The following ANKRD28 variants were observed in gnomAD, a reference collection of about 807,000 sequenced individuals.
The protein encoded by ANKRD28 is ankyrin repeat domain 28.
Under a neutral mutation model 126.5 loss-of-function variants are expected in ANKRD28, and 44 were observed. That is an observed-to-expected ratio of 0.35 (90% CI 0.27 to 0.45). The LOEUF (loss-of-function observed/expected upper bound fraction) is 0.45. Among genes scored for constraint, ANKRD28 ranks in the 20% least tolerant of loss-of-function variants. The pLI, the probability that ANKRD28 is intolerant of heterozygous loss-of-function variation, is 1.00. For synonymous variants in ANKRD28, 442 were observed against 468.5 expected (o/e 0.94, Z 0.73); for missense variants, 1,110 against 1,316.6 (o/e 0.84, Z 2.43).
In ANKRD28 at chr3:15,758,012, C is replaced by T. The variant is rs560443564; in HGVS notation, c.281-6192G>A. On this transcript the variant is annotated intron_variant, in intron 3 of 27. Coordinates refer to ENST00000683139, the MANE Select transcript of ANKRD28 (RefSeq NM_001349278.2). ...TGTATGGCCTGTAACTAGTATCTGGCCCTTTACAGAAAACGTTAGCCAACC... is the reference window on the plus strand; with the variant it reads ...TGTATGGCCTGTAACTAGTATCTGGTCCTTTACAGAAAACGTTAGCCAACC... 1.8e-4 allele frequency among the ~76,000 whole-genome samples: 28 copies of T among 152,192 alleles called. No individual in the cohort carries two copies. In the South Asian group the frequency reaches 5.8e-3, roughly 32 times the overall value.
In ANKRD28 at chr3:15,737,120, A is replaced by G. The variant is rs1267083307; in HGVS notation, c.465T>C (p.Ala155=). ...AANKAVKCAE[A]LVPLLSNVNV... ...TTACATTACTCAGAAGAGGTACCAAAGCTTCAGCACACTTTACAGCTTTAT... is the reference window on the plus strand; with the variant it reads ...TTACATTACTCAGAAGAGGTACCAAGGCTTCAGCACACTTTACAGCTTTAT... Residue 155 remains alanine, a synonymous_variant, in exon 5 of 28, where the codon GCT becomes GCC. Transcript: ENST00000683139. The G allele has an allele frequency of 6.2e-7, 1 of 1,614,016 alleles. No homozygotes were observed. The highest frequency in any genetic ancestry group is 1.7e-5 in the Admixed American group (1 of 60,030).
At chr3:15,847,641 CCTT>C (rs2061556360) in intron 1 of ANKRD28, among the ~76,000 whole-genome samples, 1 of 152,194 alleles carries the variant, frequency 6.6e-6, no homozygotes, top group South Asian at 2.1e-4. Context: ...GAAGAGTCAT[CCTT>C]CTCCTTCAGC....
In ANKRD28 at chr3:15,724,513, C is replaced by T. The variant is rs774396697; in HGVS notation, c.652G>A (p.Val218Ile). 10 of 1,579,550 alleles carry T rather than the reference C, an allele frequency of 6.3e-6. No individual in the cohort carries two copies. The East Asian group carries it at 1.4e-4, about 22-fold the overall frequency. Residue 218 changes from valine (V) to isoleucine (I), a missense_variant, in exon 7 of 28, where the codon GTA (valine) becomes ATA (isoleucine). Transcript: ENST00000683139. ...HWAAYMGHIE[V>I]VKLLVSHGAE... ...CCATGCGACACAAGCAATTTCACTA[C>T]TTCAATGTGACCTAAAAATGTGTTT...
In ANKRD28 at chr3:15,854,085, A is replaced by G. The variant is rs1227285265; in HGVS notation, c.27+5292T>C. Among the ~76,000 whole-genome samples the G allele has an allele frequency of 1.3e-5, 2 of 152,150 alleles. No homozygotes were observed. The highest frequency in any genetic ancestry group is 1.3e-4 in the Admixed American group (2 of 15,276). Reference sequence around the variant, plus strand: ...TACTCTTCCAAAACCTGTAATGGTTATCTAACTTTCAGTGATCATGGACCC... The same window carrying G: ...TACTCTTCCAAAACCTGTAATGGTTGTCTAACTTTCAGTGATCATGGACCC... On this transcript the variant is annotated intron_variant, in intron 1 of 27. Coordinates refer to the ANKRD28 transcript ENST00000399451. This position sits in a 1 kb window ranked among gnomAD's most constrained non-coding sequence, Gnocchi z 4.1.
At chr3:15,701,163 G>A (rs1043801412) in intron 14 of ANKRD28, among the ~76,000 whole-genome samples, 7 of 152,120 alleles carry the variant, frequency 4.6e-5, no homozygotes, top group Non-Finnish European at 7.3e-5. Flanking sequence ...AAATATATGA[G>A]AGCCATTATT....
chr3:15,796,162 T>G (rs1032665869), intron 1 of ANKRD28, among the ~76,000 whole-genome samples: 1 of 152,170 alleles, frequency 6.6e-6, no homozygotes, highest in Admixed American at 6.5e-5. Flanking sequence ...TCTCAAATTA[T>G]TTTTAAACAG....
chr3:15,673,488 C>G (rs73034223), intron 27 of ANKRD28, among the ~76,000 whole-genome samples: 323 of 152,278 alleles, frequency 2.1e-3, no homozygotes, highest in Admixed American at 5.6e-3. Context: ...AGCTTACATT[C>G]ACTTTAGTGG....
chr3:15,737,067 G>A lies in ANKRD28; in HGVS notation c.518C>T (p.Ala173Val), dbSNP rs757653545. ...TCCACTGAAAGCTGCATGATGTAAT[G>A]CAGTCCTCCCTGCTCGATCAGATAC... ...VNVSDRAGRT[A>V]LHHAAFSGHG... The change falls in exon 5 of 28, where the codon GCA becomes GTA. Residue 173 changes from alanine (A) to valine (V), a missense_variant. Ala to Val is a moderately conservative substitution (Grantham distance 64, BLOSUM62 0). Transcript: ENST00000683139. 2 of 1,613,932 alleles carry A rather than the reference G, an allele frequency of 1.2e-6. No individual in the cohort carries two copies. The highest frequency in any genetic ancestry group is 3.3e-5 in the Admixed American group (2 of 60,014).
At chr3:15,847,070 C>A (rs1456144422) in intron 1 of ANKRD28, among the ~76,000 whole-genome samples, 1 of 152,022 alleles carries the variant, frequency 6.6e-6, no homozygotes, top group Admixed American at 6.6e-5. Context: ...GGGCATTACC[C>A]CCAGAAGATC....
chr3:15,839,368 A>G lies in ANKRD28; in HGVS notation c.27+20009T>C, dbSNP rs964637314. Among the ~76,000 whole-genome samples the G allele has an allele frequency of 1.3e-5, 2 of 152,222 alleles. No homozygotes were observed. The highest frequency in any genetic ancestry group is 1.3e-4 in the Admixed American group (2 of 15,278). ...GTTCAGGACCTTAGCTGTAGAAGAC[A>G]TAACAAAAAACAACTGAATTACAGC... On this transcript the variant is annotated intron_variant, in intron 1 of 27. Transcript: ENST00000399451. The surrounding 1 kb of genome is among the most constrained non-coding windows in gnomAD (Gnocchi z 4.3).
intron 27 of ANKRD28, among the ~76,000 whole-genome samples, chr3:15,672,968 G>A (rs1294268704): frequency 6.6e-6 from 1 of 152,192 alleles, no homozygotes; most frequent in African/African-American, 2.4e-5. Flanking sequence ...TAGAGACGGG[G>A]TTTTGCCATG....
At chr3:15,697,095 T>A (rs148831505) in intron 14 of ANKRD28, among the ~76,000 whole-genome samples, 1 of 152,206 alleles carries the variant, frequency 6.6e-6, no homozygotes, top group Non-Finnish European at 1.5e-5. Flanking sequence ...ATATACACCA[T>A]GGAATACTAT....
intron 4 of ANKRD28, among the ~76,000 whole-genome samples, chr3:15,743,748 G>C (rs2057287666): frequency 6.6e-6 from 1 of 152,240 alleles, no homozygotes; most frequent in Non-Finnish European, 1.5e-5. Context: ...CCAGCTAGTA[G>C]GAGGTGGTGT....
chr3:15,699,010 C>G (rs992204984), intron 14 of ANKRD28, among the ~76,000 whole-genome samples: 1 of 152,156 alleles, frequency 6.6e-6, no homozygotes, highest in African/African-American at 2.4e-5. Context: ...GCTACAGTAA[C>G]CAAAACAGCA....
At chr3:15,844,607 G>C (rs2061492248) in intron 1 of ANKRD28, among the ~76,000 whole-genome samples, 1 of 152,148 alleles carries the variant, frequency 6.6e-6, no homozygotes, top group Admixed American at 6.5e-5. Flanking sequence ...TGAACAGGTT[G>C]ATTAGTGACA....
At chr3:15,800,356 A>G (rs1044815978), upstream of ANKRD28, among the ~76,000 whole-genome samples, 2 of 152,144 alleles carry the variant, frequency 1.3e-5, no homozygotes, top group Non-Finnish European at 1.5e-5. Context: ...TCACTTATTT[A>G]GTAACCTCTC....
At chr3:15,850,216 TATATATATAG>T (rs1575821316) in intron 1 of ANKRD28, among the ~76,000 whole-genome samples, 1 of 61,910 alleles carries the variant, frequency 1.6e-5, no homozygotes, top group East Asian at 9.2e-4. Flanking sequence ...TATATATATA[TATATATATAG>T]AGAGAGAGAG....
At position 15,815,194 on chromosome 3, in the gene ANKRD28, T is replaced by C. The variant is rs2060807911; in HGVS notation, c.28-19888A>G. On this transcript the variant is annotated intron_variant, in intron 1 of 27. Coordinates refer to the ANKRD28 transcript ENST00000399451. This position sits in a 1 kb window ranked among gnomAD's most constrained non-coding sequence, Gnocchi z 4.1. ...TTTAGTGAAATGGCTTGTCTTCACA[T>C]AAATAAAATTAGGCCTAAAAAATTA... Among the ~76,000 whole-genome samples, 1 of 152,112 alleles carries C rather than the reference T, an allele frequency of 6.6e-6. No individual in the cohort carries two copies. Among genetic ancestry groups the C allele is most frequent in the South Asian group, 2.1e-4 (1 of 4,832 alleles).
chr3:15,810,701 C>CTTT (rs61658995), intron 1 of ANKRD28, among the ~76,000 whole-genome samples: 2 of 143,520 alleles, frequency 1.4e-5, no homozygotes, highest in Non-Finnish European at 3.1e-5. Flanking sequence ...TTGTTCTCTC[C>CTTT]TTTTTTTTTT....
Sources: gnomAD v4.1 joint callset for allele counts (sites outside exome capture counted in the v4.1 genomes callset) on GRCh38, gnomAD v4.1.1 for gene constraint, Gnocchi (gnomAD v3.1) non-coding constraint, MANE v1.5 for transcripts, NCBI Gene and HGNC (gene_info 2026-07-23, HGNC 2026-07-21) for gene names.